GPC4: variants seen among roughly 807,000 people sequenced by gnomAD.
GPC4 encodes glypican 4.
In GPC4, 10 loss-of-function variants were observed where a neutral mutation model predicts 35.0. That is an observed-to-expected ratio of 0.29 (90% CI 0.18 to 0.48). GPC4 has a LOEUF of 0.48. Among genes scored for constraint, GPC4 ranks in the 20% least tolerant of loss-of-function variants. The probability of loss-of-function intolerance (pLI) is 0.99; values close to 1 mark genes in which losing one functional copy is unlikely to be tolerated. For synonymous variants in GPC4, 167 were observed against 170.2 expected (o/e 0.98, Z 0.15); for missense variants, 322 against 451.3 (o/e 0.71, Z 2.60).
At chrX:133,377,984 T>C (rs960828920) in intron 1 of GPC4, among the ~76,000 whole-genome samples, 1 of 98,086 alleles carries the variant, frequency 1.0e-5, no homozygotes, top group African/African-American at 3.8e-5. Context: ...AGCTTTAACC[T>C]CCCGGGTTCA....
At chrX:133,349,636 T>C (rs1309117192) in intron 1 of GPC4, among the ~76,000 whole-genome samples, 1 of 112,255 alleles carries the variant, frequency 8.9e-6, no homozygotes, top group Non-Finnish European at 1.9e-5. Flanking sequence ...TTGTTGTTGT[T>C]GAGACACAGG....
chrX:133,348,494 G>T (rs1454341894), intron 1 of GPC4, among the ~76,000 whole-genome samples: 1 of 112,646 alleles, frequency 8.9e-6, no homozygotes, highest in African/African-American at 3.2e-5. Context: ...TGTGCTGGGG[G>T]ACCTTGCGGG....
At chrX:133,311,683 C>T (rs1037655485) in intron 3 of GPC4, among the ~76,000 whole-genome samples, 5 of 110,888 alleles carry the variant, frequency 4.5e-5, no homozygotes, top group African/African-American at 1.6e-4. Flanking sequence ...CCTCCCCCAC[C>T]CCCTTCCCTC....
intron 1 of GPC4, among the ~76,000 whole-genome samples, chrX:133,339,972 C>A (rs778479871): frequency 2.2e-4 from 24 of 111,589 alleles, no homozygotes; most frequent in African/African-American, 7.8e-4. Flanking sequence ...CCAATGTATT[C>A]TGTGCAGATG....
chrX:133,410,107 A>G (rs899779353), intron 1 of GPC4, among the ~76,000 whole-genome samples: 10 of 111,924 alleles, frequency 8.9e-5, no homozygotes, highest in African/African-American at 3.2e-4. Flanking sequence ...CATTTTGTCT[A>G]CAAAAGATGT....
At chrX:133,312,771 GA>G (rs1377999256) in intron 3 of GPC4, among the ~76,000 whole-genome samples, 5 of 111,290 alleles carry the variant, frequency 4.5e-5, no homozygotes, top group Non-Finnish European at 9.4e-5. Context: ...AGTTTGTGAG[GA>G]AGGAAAGGAA....
chrX:133,390,890 G>A (rs1347718395), intron 1 of GPC4, among the ~76,000 whole-genome samples: 3 of 111,682 alleles, frequency 2.7e-5, no homozygotes, highest in Non-Finnish European at 5.6e-5. Flanking sequence ...GCAGGGACTA[G>A]CATCCAGGCT....
At chrX:133,358,023 TG>T (rs2068549875) in intron 1 of GPC4, among the ~76,000 whole-genome samples, 1 of 111,872 alleles carries the variant, frequency 8.9e-6, no homozygotes, top group Non-Finnish European at 1.9e-5. Flanking sequence ...ACAGACCAAA[TG>T]GAAATTTAGC....
chrX:133,341,699 T>TAC (rs747330268), intron 1 of GPC4, among the ~76,000 whole-genome samples: 3 of 110,973 alleles, frequency 2.7e-5, no homozygotes, highest in Non-Finnish European at 5.7e-5. Flanking sequence ...AACACATGCG[T>TAC]ACACACACAC....
chrX:133,309,965 TAGA>T (rs931311261), intron 4 of GPC4, among the ~76,000 whole-genome samples: 2 of 112,147 alleles, frequency 1.8e-5, no homozygotes, highest in Non-Finnish European at 3.8e-5. Flanking sequence ...TTTCTGTGTG[TAGA>T]AGATTTTTTC....
intron 1 of GPC4, among the ~76,000 whole-genome samples, chrX:133,398,135 ATATT>A (rs1199881687): frequency 8.9e-6 from 1 of 111,768 alleles, no homozygotes; most frequent in Admixed American, 9.6e-5. Context: ...ATTTAAATTC[ATATT>A]TAAAGTAGGG....
At chrX:133,313,678 T>A (rs1450210094) in intron 3 of GPC4, among the ~76,000 whole-genome samples, 1 of 111,809 alleles carries the variant, frequency 8.9e-6, no homozygotes, top group Non-Finnish European at 1.9e-5. Context: ...AGTGTTGCTC[T>A]CACATTTGAT....
At chrX:133,350,439 G>A (rs1051535738) in intron 1 of GPC4, among the ~76,000 whole-genome samples, 4 of 110,920 alleles carry the variant, frequency 3.6e-5, no homozygotes, top group Non-Finnish European at 5.7e-5. Context: ...TGGGAGAATC[G>A]CCTGAGCCCA....
chrX:133,352,740 A>G (rs755466009), intron 1 of GPC4, among the ~76,000 whole-genome samples: 20 of 111,123 alleles, frequency 1.8e-4, no homozygotes, highest in Non-Finnish European at 1.5e-4. Flanking sequence ...GATACCACCC[A>G]GTGCCTCTCC....
rs1412463359 is a variant in GPC4 at position 133,414,810 on chromosome X, G to A, written c.156C>T (p.Ile52=). 2.1e-5 allele frequency: 25 copies of A among 1,209,917 alleles called. No individual in the cohort carries two copies. The highest frequency in any genetic ancestry group is 2.8e-5 in the Non-Finnish European group (25 of 894,699). ...FNKNDAPLHE[I]NGDHLKICPQ... is the part of the protein sequence containing the mutation. The stretch of plus-strand genomic sequence containing the variant: ...CTCCCGGGTGTGCCCACCTACCGTT[G>A]ATCTCGTGGAGGGGGGCATCGTTCT... The change falls in exon 1 of 9, where the codon ATC becomes ATT. Residue 52 remains isoleucine (I), a synonymous_variant. Coordinates refer to ENST00000370828, the MANE Select transcript of GPC4 (RefSeq NM_001448.3).
intron 1 of GPC4, among the ~76,000 whole-genome samples, chrX:133,387,532 A>G (rs1489204297): frequency 9.0e-6 from 1 of 111,720 alleles, no homozygotes; most frequent in African/African-American, 3.2e-5. Context: ...AGTGCACAGA[A>G]AACTAAATGA....
At chrX:133,392,292 C>A (rs2068723201) in intron 1 of GPC4, among the ~76,000 whole-genome samples, 1 of 100,003 alleles carries the variant, frequency 1.0e-5, no homozygotes, top group South Asian at 5.2e-4. Flanking sequence ...TATCTAGTAG[C>A]CAGTCAACAG....
chrX:133,408,559 A>G (rs2068799170), intron 1 of GPC4, among the ~76,000 whole-genome samples: 1 of 109,853 alleles, frequency 9.1e-6, no homozygotes, highest in Admixed American at 9.7e-5. Context: ...ACATGGAAAA[A>G]CTCCATCTCT....
intron 1 of GPC4, among the ~76,000 whole-genome samples, chrX:133,372,702 C>G (rs1253091629): frequency 1.8e-5 from 2 of 112,097 alleles, no homozygotes; most frequent in African/African-American, 3.2e-5. Context: ...TCCTGCTTAT[C>G]ACACTTTTTG....
Sources: gnomAD v4.1 joint callset for allele counts (sites outside exome capture counted in the v4.1 genomes callset) on GRCh38, gnomAD v4.1.1 for gene constraint, MANE v1.5 for transcripts, NCBI Gene and HGNC (gene_info 2026-07-23, HGNC 2026-07-21) for gene names.